The following UBE2D3 variants were observed in gnomAD, a reference collection of about 807,000 sequenced individuals.
UBE2D3 encodes ubiquitin-conjugating enzyme E2 D3.
In UBE2D3, 2 loss-of-function variants were observed where a neutral mutation model predicts 22.8. The ratio of observed to expected loss-of-function variants is 0.09; its 90% CI spans 0.04 to 0.28. The LOEUF (loss-of-function observed/expected upper bound fraction) is 0.28, where lower values mean the gene tolerates loss of function less well. Among genes scored for constraint, UBE2D3 ranks in the 10% least tolerant of loss-of-function variants. UBE2D3 has a pLI of 1.00. For missense variants in UBE2D3, 27 were observed against 182.5 expected (o/e 0.15, Z 4.91); for synonymous variants, 56 against 60.4 (o/e 0.93, Z 0.34).
intron 1 of UBE2D3, among the ~76,000 whole-genome samples, chr4:102,837,274 C>A (rs1435468176): frequency 6.6e-6 from 1 of 152,034 alleles, no homozygotes; most frequent in East Asian, 1.9e-4. Flanking sequence ...TTAAACACAG[C>A]CATTATTAAA....
At chr4:102,859,851 G>T (rs116094498) in intron 1 of UBE2D3, among the ~76,000 whole-genome samples, 17 of 143,136 alleles carry the variant, frequency 1.2e-4, no homozygotes, top group African/African-American at 3.1e-4. Context: ...AATTTGATTT[G>T]TTTTTTTTTT....
chr4:102,820,203 C>T (rs1432052257), intron 2 of UBE2D3, among the ~76,000 whole-genome samples: 1 of 152,106 alleles, frequency 6.6e-6, no homozygotes, highest in Non-Finnish European at 1.5e-5. Context: ...TGTAACTGTT[C>T]ATATAAAGAT....
At chr4:102,824,323 A>G (rs1730110328) in intron 2 of UBE2D3, among the ~76,000 whole-genome samples, 4 of 152,218 alleles carry the variant, frequency 2.6e-5, no homozygotes, top group Admixed American at 2.0e-4. Context: ...ATAAATTGTG[A>G]TATTAAAATA....
intron 1 of UBE2D3, 92 bp from the exon 2 acceptor site, chr4:102,826,728 G>A: frequency 7.7e-6 from 11 of 1,422,196 alleles, no homozygotes; most frequent in South Asian, 1.5e-5. Context: ...GATCCGGGGT[G>A]GGTGGGGTGG....
intron 2 of UBE2D3, among the ~76,000 whole-genome samples, chr4:102,815,460 G>A (rs1011896495): frequency 6.6e-6 from 1 of 152,216 alleles, no homozygotes; most frequent in African/African-American, 2.4e-5. Flanking sequence ...CTAAAGGTCA[G>A]AAAACTATGA....
rs781691048 is a variant in UBE2D3, at chr4:102,802,627, T to C, written c.132A>G (p.Pro44=). 4.4e-6 allele frequency: 7 copies of C among 1,595,818 alleles called. No individual in the cohort carries two copies. In the East Asian group the frequency reaches 1.1e-4, roughly 26 times the overall value. Reference sequence around the variant, plus strand: ...TCAAAAAGAATACACCGCCTTGATATGGGCTGTCATTCTGTAAAAAGAAAA... The same window carrying C: ...TCAAAAAGAATACACCGCCTTGATACGGGCTGTCATTCTGTAAAAAGAAAA... ...QATIMGPNDS[P]YQGGVFFLTI... is the part of the protein sequence containing the mutation. Residue 44 remains proline, a synonymous_variant, in exon 5 of 8, where the codon CCA becomes CCG. Transcript: ENST00000453744.
chr4:102,816,428 A>G (rs971507884), intron 2 of UBE2D3, among the ~76,000 whole-genome samples: 10 of 152,178 alleles, frequency 6.6e-5, no homozygotes, highest in African/African-American at 2.4e-4. Flanking sequence ...AATAACAAAG[A>G]GCTGACTTTC....
chr4:102,866,713 G>A (rs1429387902), intron 1 of UBE2D3, among the ~76,000 whole-genome samples: 2 of 152,140 alleles, frequency 1.3e-5, no homozygotes, highest in South Asian at 4.2e-4. Context: ...AATACCAAGG[G>A]GAAAAATTAA....
chr4:102,868,360 G>A (rs1733271616), intron 1 of UBE2D3, among the ~76,000 whole-genome samples: 1 of 151,992 alleles, frequency 6.6e-6, no homozygotes, highest in South Asian at 2.1e-4. Flanking sequence ...GAGCCACCGC[G>A]CCCGGCCAGC....
chr4:102,863,137 G>A (rs530316133), intron 1 of UBE2D3, among the ~76,000 whole-genome samples: 7 of 151,548 alleles, frequency 4.6e-5, no homozygotes, highest in South Asian at 4.2e-4. Flanking sequence ...AGCAACCTCC[G>A]TCTCCCAGGA....
chr4:102,849,153 A>T (rs1036230633), intron 1 of UBE2D3, among the ~76,000 whole-genome samples: 1 of 152,036 alleles, frequency 6.6e-6, no homozygotes, highest in South Asian at 2.1e-4. Flanking sequence ...GGATGGCTTG[A>T]GCCCAGGAGT....
At position 102,825,119 on chromosome 4, in the gene UBE2D3, A is replaced by G. The variant is rs530359499; in HGVS notation, c.24+1366T>C. ...CAATCTTGCCAAATAAACTCCAGTC[A>G]TAATTAAATACAGGCAAATGTAGTA... is the stretch of plus-strand genomic sequence containing the variant. On this transcript the variant is annotated intron_variant, in intron 2 of 7. Coordinates refer to ENST00000453744, the MANE Select transcript of UBE2D3 (RefSeq NM_181891.3). 14 of 443,148 alleles carry G rather than the reference A, an allele frequency of 3.2e-5. 1 individual carries two copies. In the Admixed American group the frequency reaches 6.4e-4, roughly 20 times the overall value. 27.5% of individuals were successfully genotyped at this position (443,148 alleles called of 1,614,324 possible).
chr4:102,799,757 TG>T (rs1725838003), intron 6 of UBE2D3, among the ~76,000 whole-genome samples: 1 of 146,362 alleles, frequency 6.8e-6, no homozygotes, highest in African/African-American at 2.5e-5. Context: ...GATAGGCAAC[TG>T]ATGCCATATT....
At chr4:102,868,860 C>A in exon 1 of UBE2D3, 1 of 1,516,368 alleles carries the variant, frequency 6.6e-7, no homozygotes, top group Non-Finnish European at 9.0e-7. Context: ...GAGGGCCTCG[C>A]TACCCGCCAG....
chr4:102,835,680 G>C (rs749406553), intron 1 of UBE2D3, among the ~76,000 whole-genome samples: 3 of 152,286 alleles, frequency 2.0e-5, no homozygotes, highest in Admixed American at 6.5e-5. Context: ...CTACCAGTTA[G>C]ACCACAGCTA....
At chr4:102,811,433 G>A (rs139504719) in intron 2 of UBE2D3, 1,606 of 159,690 alleles carry the variant, frequency 0.01, 20 homozygotes, top group African/African-American at 0.036. Flanking sequence ...CGTAATCCCA[G>A]CACTTTGGGA....
intron 7 of UBE2D3, among the ~76,000 whole-genome samples, chr4:102,799,200 C>G (rs561635393): frequency 1.6e-4 from 24 of 151,464 alleles, no homozygotes; most frequent in Non-Finnish European, 1.2e-4. Context: ...AAAAAAACAA[C>G]AATAAAACAT....
chr4:102,801,957 T>C (rs1726217230), intron 5 of UBE2D3: 1 of 158,718 alleles, frequency 6.3e-6, no homozygotes, highest in Admixed American at 6.2e-5. Flanking sequence ...ATTTCCACCG[T>C]ACATAAAACA....
At chr4:102,817,980 T>C (rs1729019021) in intron 2 of UBE2D3, among the ~76,000 whole-genome samples, 1 of 152,204 alleles carries the variant, frequency 6.6e-6, no homozygotes, top group Non-Finnish European at 1.5e-5. Flanking sequence ...TTTCAGCTTA[T>C]TCCTTCCTAG....
Sources: allele counts gnomAD v4.1 joint callset (sites outside exome capture counted in the v4.1 genomes callset), GRCh38; gene constraint gnomAD v4.1.1; transcripts MANE v1.5; gene names NCBI Gene and HGNC (gene_info 2026-07-23, HGNC 2026-07-21).